The following SCAF4 variants were observed in gnomAD, a reference collection of about 807,000 sequenced individuals.
SCAF4 encodes the protein SR-related CTD associated factor 4, also known as SR-related and CTD-associated factor 4.
A neutral mutation model predicts 129.8 loss-of-function variants in SCAF4; 25 were observed. The observed-to-expected ratio is 0.19, with a 90% confidence interval of 0.14 to 0.27. The LOEUF is 0.27. Ranked by LOEUF, SCAF4 falls within the 10% of genes least tolerant of loss-of-function variation. The pLI is 1.00. For synonymous variants in SCAF4, 551 were observed against 497.7 expected (o/e 1.11, Z -1.43); for missense variants, 1,246 against 1,457.1 (o/e 0.86, Z 2.36).
intron 1 of SCAF4, among the ~76,000 whole-genome samples, chr21:31,719,599 G>T (rs1014961231): frequency 3.3e-5 from 5 of 151,966 alleles, no homozygotes; most frequent in African/African-American, 1.2e-4. Flanking sequence ...CCGCCTCCTG[G>T]GTCTAAGCGA....
intron 9 of SCAF4, among the ~76,000 whole-genome samples, 172 bp from the exon 10 acceptor site, chr21:31,695,152 C>T (rs2050355153): frequency 6.6e-6 from 1 of 152,208 alleles, no homozygotes; most frequent in Admixed American, 6.5e-5. Context: ...AGAATTGTTA[C>T]ATACCAAGTA....
At chr21:31,677,905 G>A (rs2049899187) in intron 19 of SCAF4, among the ~76,000 whole-genome samples, 2 of 152,144 alleles carry the variant, frequency 1.3e-5, no homozygotes, top group South Asian at 2.1e-4. Flanking sequence ...TAACCCTGAG[G>A]GCTGCAAGGG....
chr21:31,672,864 C>G (rs2049746730), intron 19 of SCAF4, among the ~76,000 whole-genome samples: 1 of 152,244 alleles, frequency 6.6e-6, no homozygotes, highest in Admixed American at 6.5e-5. Flanking sequence ...CCATGCTACA[C>G]TTAGTCCATA....
At chr21:31,692,620 T>C (rs556460448) in intron 12 of SCAF4, among the ~76,000 whole-genome samples, 171 bp from the exon 13 acceptor site, 1 of 152,338 alleles carries the variant, frequency 6.6e-6, no homozygotes, top group East Asian at 1.9e-4. Flanking sequence ...GCATTAGTAC[T>C]TCCAGAAAGA....
intron 1 of SCAF4, among the ~76,000 whole-genome samples, chr21:31,710,992 T>C (rs1300443152): frequency 1.3e-5 from 2 of 152,228 alleles, no homozygotes; most frequent in African/African-American, 2.4e-5. Flanking sequence ...TTTGTTAGCA[T>C]TATAAAGTTT....
chr21:31,702,046 A>G lies in SCAF4; in HGVS notation c.458-128T>C. The G allele has an allele frequency of 3.9e-6, 5 of 1,292,348 alleles. No homozygotes were observed. The South Asian group carries it at 4.1e-5, about 10-fold the overall frequency. 80.1% of individuals were successfully genotyped at this position (1,292,348 alleles called of 1,614,324 possible). On this transcript the variant is annotated intron_variant, in intron 5 of 19. Transcript: ENST00000286835. ...TATAAAATATAGAGATTGTGGCACTAGAGTTTATACTGTAACAACTACCAG... is the reference window on the plus strand; with the variant it reads ...TATAAAATATAGAGATTGTGGCACTGGAGTTTATACTGTAACAACTACCAG...
At chr21:31,730,953 G>A (rs1601293854) in intron 1 of SCAF4, among the ~76,000 whole-genome samples, 1 of 152,320 alleles carries the variant, frequency 6.6e-6, no homozygotes, top group East Asian at 1.9e-4. Context: ...AGCGGACTAA[G>A]GCGGAGCGAA....
chr21:31,706,258 T>G lies in SCAF4; in HGVS notation c.114+16A>C. 6.7e-7 allele frequency: 1 copy of G among 1,489,094 alleles called. No individual in the cohort carries two copies. The highest frequency in any genetic ancestry group is 9.2e-7 in the Non-Finnish European group (1 of 1,085,630). 92.2% of individuals were successfully genotyped at this position (1,489,094 alleles called of 1,614,324 possible). A position where few individuals can be genotyped will look rare whatever the true frequency, so the allele number is the denominator to read the frequency against. On this transcript the variant is annotated intron_variant, in intron 2 of 19. Coordinates refer to ENST00000286835, the MANE Select transcript of SCAF4 (RefSeq NM_020706.2). ...ATTTCAAAAAGATTTCTCAAATTGC[T>G]TTATTTTATCATTACCTTAATAGCT...
chr21:31,731,607 A>T (rs1374430813), intron 1 of SCAF4, 56 bp downstream of exon 1: 2 of 1,568,442 alleles, frequency 1.3e-6, no homozygotes, highest in African/African-American at 1.4e-5. Context: ...GGCGGGAGAA[A>T]CGAGCCCCGG....
At chr21:31,679,642 G>T (rs1353515039) in intron 19 of SCAF4, among the ~76,000 whole-genome samples, 1 of 152,126 alleles carries the variant, frequency 6.6e-6, no homozygotes, top group East Asian at 1.9e-4. Context: ...ATTCTTAAGA[G>T]AAATTTGAGT....
At chr21:31,723,609 G>GTT (rs112184778) in intron 1 of SCAF4, among the ~76,000 whole-genome samples, 7,227 of 145,994 alleles carry the variant, frequency 0.05, 176 homozygotes, top group East Asian at 0.11. Flanking sequence ...TGATTTATAT[G>GTT]ATGTGTGTGT....
At chr21:31,681,791 C>T (rs769737477) in intron 19 of SCAF4, among the ~76,000 whole-genome samples, 3 of 152,202 alleles carry the variant, frequency 2.0e-5, no homozygotes, top group Non-Finnish European at 4.4e-5. Context: ...CCCAAACTAA[C>T]ACCCGCACTT....
intron 1 of SCAF4, among the ~76,000 whole-genome samples, chr21:31,717,645 T>C (rs1051366789): frequency 6.6e-6 from 1 of 152,034 alleles, no homozygotes; most frequent in African/African-American, 2.4e-5. Flanking sequence ...TCAGTTACTA[T>C]GTTTAAATCA....
At chr21:31,730,678 T>C (rs1001070372) in intron 1 of SCAF4, among the ~76,000 whole-genome samples, 1 of 152,220 alleles carries the variant, frequency 6.6e-6, no homozygotes, top group African/African-American at 2.4e-5. Flanking sequence ...ATAGTTCCCA[T>C]TCTGTAACTG....
intron 16 of SCAF4, among the ~76,000 whole-genome samples, chr21:31,687,511 T>C (rs1285067999): frequency 6.6e-6 from 1 of 152,176 alleles, no homozygotes; most frequent in Non-Finnish European, 1.5e-5. Context: ...GCTTTTCAAG[T>C]AACAGGTTGG....
Position 31,702,343 on chromosome 21 carries a change from T to G in SCAF4, c.358A>C (p.Asn120His). 1 of 1,614,072 alleles carries G rather than the reference T, an allele frequency of 6.2e-7. No homozygotes were observed. ...ATAATTTCAATTTTGAACACTCCAT[T>G]TTTTTGCCAAAGGTTCAGCACACGA... Reference protein sequence around the residue: ...IVRVLNLWQKNGVFKIEIIQP... With the variant: ...IVRVLNLWQKHGVFKIEIIQP... The change falls in exon 5 of 20, where the codon AAT becomes CAT. Residue 120 changes from asparagine to histidine, a missense_variant. Asn to His is a moderately conservative substitution (Grantham distance 68). Around this residue, in one of 6 missense-constraint regions of SCAF4, gnomAD observed 143 missense variants for 161.0 expected, o/e 0.89. Coordinates refer to ENST00000286835, the MANE Select transcript of SCAF4 (RefSeq NM_020706.2).
At position 31,720,893 on chromosome 21, in the gene SCAF4, A is replaced by G. The variant is rs544108273; in HGVS notation, c.30+10770T>C. On this transcript the variant is annotated intron_variant, in intron 1 of 19. Coordinates refer to ENST00000286835, the MANE Select transcript of SCAF4 (RefSeq NM_020706.2). ...TTTACAGAGCCATGCAGAGGCCGCT[A>G]GATAGTTTTCATCTTGACAGAAAAT... is the stretch of plus-strand genomic sequence containing the variant. Among the ~76,000 whole-genome samples, 30 of 152,346 alleles carry G rather than the reference A, an allele frequency of 2.0e-4. No individual in the cohort carries two copies. The South Asian group carries it at 6.0e-3, about 31-fold the overall frequency.
intron 19 of SCAF4, 43 bp downstream of exon 19, chr21:31,684,987 TGGGTGGGGGGGTGGGGGGG>T (rs754082936): frequency 2.3e-6 from 1 of 442,168 alleles, no homozygotes; most frequent in Non-Finnish European, 3.8e-6. Context: ...AACTTGGGGA[TGGGTGGGGGGGTGGGGGGG>T]GGGTGGGGCA....
At chr21:31,684,991 TGGG>T in intron 19 of SCAF4, 55 bp downstream of exon 19, 1 of 425,992 alleles carries the variant, frequency 2.3e-6, no homozygotes, top group East Asian at 5.1e-5. Flanking sequence ...TGGGGATGGG[TGGG>T]GGGGTGGGGG....
Sources: allele counts gnomAD v4.1 joint callset (sites outside exome capture counted in the v4.1 genomes callset), GRCh38; gene constraint gnomAD v4.1.1; regional missense constraint gnomAD v4.1.1; transcripts MANE v1.5; gene names NCBI Gene and HGNC (gene_info 2026-07-23, HGNC 2026-07-21).